The following TH variants were observed in gnomAD, a reference collection of about 807,000 sequenced individuals.
TH encodes the protein tyrosine hydroxylase, also known as tyrosine 3-monooxygenase.
In TH, 49 loss-of-function variants were observed where a neutral mutation model predicts 57.4. That is an observed-to-expected ratio of 0.85 (90% CI 0.68 to 1.08). The LOEUF is 1.08. Ranked by LOEUF, TH falls within the 50% of genes least tolerant of loss-of-function variation. The pLI, the probability that TH is intolerant of heterozygous loss-of-function variation, is 0.00. For missense variants in TH, 720 were observed against 696.7 expected, an observed-to-expected ratio of 1.03 and a Z score of -0.38; for synonymous variants, 330 against 304.5, an observed-to-expected ratio of 1.08 and a Z score of -0.87.
chr11:2,166,673 A>T lies in TH; in HGVS notation c.937T>A (p.Tyr313Asn). 1 of 1,566,212 alleles carries T rather than the reference A, an allele frequency of 6.4e-7. No individual in the cohort carries two copies. The highest frequency in any genetic ancestry group is 8.7e-7 in the Non-Finnish European group (1 of 1,156,048). Residue 313 changes from tyrosine to asparagine, a missense_variant, in exon 8 of 13, where the codon TAT becomes AAT. Physicochemically the swap from Tyr to Asn is moderately radical, Grantham distance 143. Coordinates refer to ENST00000352909, the MANE Select transcript of TH (RefSeq NM_000360.4). ...LAFRVFQCTQ[Y>N]IRHASSPMHS... ...ATGGGCGAGGACGCGTGGCGGATAT[A>T]CTGGGTGCACTGGAACACGCGGAAG...
Position 2,165,319 on chromosome 11 carries a change from GCCTCAGGGTCGAAGGC to G in TH, c.1231_1246del (p.Ala411LeufsTer42). 6.2e-7 allele frequency: 1 copy of G among 1,612,596 alleles called. No homozygotes were observed. The highest frequency in any genetic ancestry group is 8.5e-7 in the Non-Finnish European group (1 of 1,180,004). ...GTCTTGGTAGGGCTGCACGGCCGCA[GCCTCAGGGTCGAAGGC>G]CCGAATCTCAGGCTCCTCAGACAGG... On this transcript the variant is annotated frameshift_variant, in exon 12 of 13. Coordinates refer to ENST00000352909, the MANE Select transcript of TH (RefSeq NM_000360.4). LOFTEE classifies it high-confidence loss of function.
At chr11:2,165,970 A>T (rs199603192) in intron 10 of TH, 32 bp downstream of exon 10, 79 of 1,554,346 alleles carry the variant, frequency 5.1e-5, no homozygotes, top group Admixed American at 9.8e-5. Context: ...CCAAACCCAC[A>T]CCCCAGGCCC....
chr11:2,164,127 G>T lies in TH; in HGVS notation c.*106C>A. ...AGGGGCAGTGGGAGCCTGGCAGCAG[G>T]GAGGGCATGGGGGGCACCCGGGACC... On this transcript the variant is annotated 3_prime_UTR_variant, in exon 13 of 13. Transcript: ENST00000352909. 1 of 1,040,696 alleles carries T rather than the reference G, an allele frequency of 9.6e-7. No individual in the cohort carries two copies. The highest frequency in any genetic ancestry group is 3.0e-5 in the South Asian group (1 of 33,130). 64.5% of individuals were successfully genotyped at this position (1,040,696 alleles called of 1,614,324 possible).
rs2133696498 is a variant in TH, at chr11:2,168,157, C to A, written c.510G>T (p.Val170=). ...GPKVPWFPRK[V]SELDKCHHLV... ...GGTGATGACACTTGTCCAGCTCTGA[C>A]ACTTTTCTTGGGAACCAGGGGACTT... is the stretch of plus-strand genomic sequence containing the variant. Residue 170 remains valine, a synonymous_variant, in exon 4 of 13, where the codon GTG becomes GTT. Transcript: ENST00000352909. 2 of 1,613,598 alleles carry A rather than the reference C, an allele frequency of 1.2e-6. No homozygotes were observed. Among genetic ancestry groups the A allele is most frequent in the Non-Finnish European group, 8.5e-7 (1 of 1,180,024 alleles).
rs755960694 is a variant in TH at position 2,167,037 on chromosome 11, G to T, written c.696-5C>A. 4.4e-6 allele frequency: 7 copies of T among 1,576,118 alleles called. 1 individual carries two copies. In the South Asian group the frequency reaches 5.8e-5, roughly 13 times the overall value. Reference sequence around the variant, plus strand: ...AGCGTGGTGTAGACCTCCTTCCTGCGGGCAGCCAGGCTCAGGGCCCTCTAA... The same window carrying T: ...AGCGTGGTGTAGACCTCCTTCCTGCTGGCAGCCAGGCTCAGGGCCCTCTAA... On this transcript the variant is annotated splice_region_variant and splice_polypyrimidine_tract_variant and intron_variant, in intron 6 of 12. Coordinates refer to ENST00000352909, the MANE Select transcript of TH (RefSeq NM_000360.4).
In TH at chr11:2,165,705, T is replaced by G; in HGVS notation, c.1163A>C (p.Tyr388Ser). 6.2e-7 allele frequency: 1 copy of G among 1,612,646 alleles called. No individual in the cohort carries two copies. The highest frequency in any genetic ancestry group is 1.1e-5 in the South Asian group (1 of 91,060). The part of the protein sequence containing the change: ...LCKQNGEVKA[Y>S]GAGLLSSYGE... ...GTAGGAGGACAGCAGCCCGGCACCA[T>G]AGGCCTTCACCTCCCCGTTCTGCTT... Residue 388 changes from tyrosine to serine, a missense_variant, in exon 11 of 13, where the codon TAT (tyrosine) becomes TCT (serine). By Grantham distance (144) the Tyr-to-Ser change is moderately radical. Coordinates refer to ENST00000352909, the MANE Select transcript of TH (RefSeq NM_000360.4).
rs186888302 is a variant in TH, at chr11:2,170,194, C to T, written c.91-323G>A. Among the ~76,000 whole-genome samples, 13 of 152,212 alleles carry T rather than the reference C, an allele frequency of 8.5e-5. No homozygotes were observed. The highest frequency in any genetic ancestry group is 2.9e-4 in the African/African-American group (12 of 41,534). On this transcript the variant is annotated intron_variant, in intron 1 of 12. Coordinates refer to ENST00000352909, the MANE Select transcript of TH (RefSeq NM_000360.4). The surrounding 1 kb of genome is among the most constrained non-coding windows in gnomAD (Gnocchi z 6.0). ...CTGTGTCACTCATCCCCAGGCCAGG[C>T]GCTAACTGGATTAGTGATGGGAAGA...
chr11:2,165,852 G>A, intron 10 of TH, 89 bp from the exon 11 acceptor site: 1 of 1,528,426 alleles, frequency 6.5e-7, no homozygotes, highest in Non-Finnish European at 8.9e-7. Context: ...ACCACCCCCA[G>A]GGAGGCCAGG....
Position 2,169,763 on chromosome 11 carries a change from G to T in TH, c.199C>A (p.Pro67Thr), listed in dbSNP as rs762624649. Reference protein sequence around the residue: ...AAAVPSEPGDPLEAVAFEEKE... With the variant: ...AAAVPSEPGDTLEAVAFEEKE... ...TCCTCAAAGGCCACAGCCTCCAGGG[G>T]GTCCCCGGGCTCCGAGGGGACTGCA... is the stretch of plus-strand genomic sequence containing the variant. The change falls in exon 2 of 13, where the codon CCC (proline) becomes ACC (threonine). Residue 67 changes from proline to threonine, a missense_variant. Coordinates refer to ENST00000352909, the MANE Select transcript of TH (RefSeq NM_000360.4). 1.9e-5 allele frequency: 30 copies of T among 1,612,156 alleles called. No homozygotes were observed. In the South Asian group the frequency reaches 3.0e-4, roughly 16 times the overall value.
intron 6 of TH, 86 bp downstream of exon 6, chr11:2,167,349 G>T: frequency 6.9e-7 from 1 of 1,440,614 alleles, no homozygotes; most frequent in Non-Finnish European, 9.5e-7. Flanking sequence ...TTGTGCCAAG[G>T]TCCCTGGAGG....
Position 2,167,420 on chromosome 11 carries a change from G to A in TH, c.695+15C>T. On this transcript the variant is annotated intron_variant, in intron 6 of 12. Transcript: ENST00000352909. ...CCGGGCTCCTCCCCAGCCCCTAGCT[G>A]CACGGAGGTCTCACCAGGTGGCAAT... 1.3e-6 allele frequency: 2 copies of A among 1,558,144 alleles called. No individual in the cohort carries two copies. Among genetic ancestry groups the A allele is most frequent in the Admixed American group, 1.9e-5 (1 of 51,966 alleles).
intron 9 of TH, 109 bp from the exon 10 acceptor site, chr11:2,166,167 C>A (rs544883336): frequency 4.6e-6 from 6 of 1,314,918 alleles, no homozygotes; most frequent in Non-Finnish European, 6.4e-6. Context: ...GGACACTTCC[C>A]TGGCGGCAGA....
At chr11:2,169,539 C>T in intron 2 of TH, 111 bp downstream of exon 2, 1 of 1,068,438 alleles carries the variant, frequency 9.4e-7, no homozygotes, top group Non-Finnish European at 1.4e-6. Flanking sequence ...CCTGTGCCGG[C>T]CTCGGGGGCC....
chr11:2,167,086 C>T (rs193231496), intron 6 of TH, 54 bp from the exon 7 acceptor site: 2 of 1,547,758 alleles, frequency 1.3e-6, no homozygotes, highest in Non-Finnish European at 1.7e-6. Context: ...TGCCCGAAAC[C>T]CCCCTCCTGA....
Position 2,166,264 on chromosome 11 carries a change from G to C in TH, c.1048-206C>G, listed in dbSNP as rs922160812. On this transcript the variant is annotated intron_variant, in intron 9 of 12. Coordinates refer to ENST00000352909, the MANE Select transcript of TH (RefSeq NM_000360.4). ...CTTGACCACATTCCTAAGCCCGTGG[G>C]CGCCGTTCCCAGGTAGCCGGCAGGT... 177 of 861,234 alleles carry C rather than the reference G, an allele frequency of 2.1e-4. 1 individual carries two copies. The highest frequency in any genetic ancestry group is 4.9e-4 in the Admixed American group (20 of 40,598). 53.3% of individuals were successfully genotyped at this position (861,234 alleles called of 1,614,324 possible).
intron 11 of TH, 143 bp from the exon 12 acceptor site, chr11:2,165,508 T>C (rs1046061432): frequency 7.1e-7 from 1 of 1,408,354 alleles, no homozygotes; most frequent in Admixed American, 1.8e-5. Flanking sequence ...CCTGGGATAA[T>C]GTGGGGTGAG....
In TH at chr11:2,170,670, C is replaced by T; in HGVS notation, c.91-799G>A. On this transcript the variant is annotated intron_variant, in intron 1 of 12. Transcript: ENST00000352909. This position sits in a 1 kb window ranked among gnomAD's most constrained non-coding sequence, Gnocchi z 6.0. ...GAAGGGGAGCAGCAGAAGCCCCTCC[C>T]AGAGTCCCCTCTTACTTACCCTTGG... 1 of 1,589,604 alleles carries T rather than the reference C, an allele frequency of 6.3e-7. No homozygotes were observed. Among genetic ancestry groups the T allele is most frequent in the Non-Finnish European group, 8.6e-7 (1 of 1,166,364 alleles).
chr11:2,165,474 T>A, intron 11 of TH, 109 bp from the exon 12 acceptor site: 1 of 1,532,264 alleles, frequency 6.5e-7, no homozygotes. Flanking sequence ...GTCACCCCCA[T>A]CTCCCCCGCC....
chr11:2,170,578 A>G lies in TH; in HGVS notation c.91-707T>C. The stretch of plus-strand genomic sequence containing the variant: ...CTCATCCCTTGGAGCTGAACTCCCA[A>G]GAAGGCTCTGGGCCCCTTGTAAGAG... On this transcript the variant is annotated intron_variant, in intron 1 of 12. Transcript: ENST00000352909. This position sits in a 1 kb window ranked among gnomAD's most constrained non-coding sequence, Gnocchi z 6.0. 3.0e-6 allele frequency: 3 copies of G among 987,326 alleles called. No homozygotes were observed. Among genetic ancestry groups the G allele is most frequent in the Non-Finnish European group, 4.7e-6 (3 of 637,794 alleles). 61.2% of individuals were successfully genotyped at this position (987,326 alleles called of 1,614,324 possible).
Sources: allele counts gnomAD v4.1 joint callset (sites outside exome capture counted in the v4.1 genomes callset), GRCh38; gene constraint gnomAD v4.1.1; non-coding constraint Gnocchi (gnomAD v3.1); transcripts MANE v1.5; gene names NCBI Gene and HGNC (gene_info 2026-07-23, HGNC 2026-07-21).